CD96: variants seen among roughly 807,000 people sequenced by gnomAD.
The protein encoded by CD96 is T-cell surface protein tactile.
In CD96, 70 loss-of-function variants were observed where a neutral mutation model predicts 71.3. The observed-to-expected ratio is 0.98, with a 90% confidence interval of 0.81 to 1.20. CD96 has a LOEUF of 1.20. Among genes scored for constraint, CD96 ranks in the 50% most tolerant of loss-of-function variants. CD96 has a pLI of 0.00. For synonymous variants in CD96, 248 were observed against 233.0 expected (o/e 1.06, Z -0.59); for missense variants, 742 against 677.5 (o/e 1.10, Z -1.06).
At chr3:111,639,854 T>G (rs1488454626) in intron 12 of CD96, among the ~76,000 whole-genome samples, 1 of 152,180 alleles carries the variant, frequency 6.6e-6, no homozygotes, top group Non-Finnish European at 1.5e-5. Context: ...GCAGACTCAC[T>G]GGGTGGCTAG....
intron 8 of CD96, among the ~76,000 whole-genome samples, chr3:111,623,299 A>G (rs1938596700): frequency 6.6e-6 from 1 of 152,164 alleles, no homozygotes; most frequent in South Asian, 2.1e-4. Context: ...GAGTATAAAG[A>G]TGGAGAAATG....
chr3:111,598,095 A>C, intron 5 of CD96, 25 bp from the exon 6 acceptor site: 1 of 1,017,888 alleles, frequency 9.8e-7, no homozygotes. Flanking sequence ...ATTTGCAAAT[A>C]ATCCTTTTTC....
At chr3:111,577,957 G>A (rs1936293128) in intron 3 of CD96, among the ~76,000 whole-genome samples, 1 of 152,142 alleles carries the variant, frequency 6.6e-6, no homozygotes, top group Non-Finnish European at 1.5e-5. Flanking sequence ...TTTAGAGTTA[G>A]GCCAGTAGAT....
At position 111,545,204 on chromosome 3, in the gene CD96, C is replaced by T; in HGVS notation, c.220C>T (p.Gln74Ter). The T allele has an allele frequency of 6.2e-7, 1 of 1,614,182 alleles. No individual in the cohort carries two copies. The highest frequency in any genetic ancestry group is 8.5e-7 in the Non-Finnish European group (1 of 1,180,028). The change falls in exon 2 of 14, where the codon CAA becomes TAA. Residue 74 changes from glutamine to a stop codon, truncating the protein, a stop_gained. Transcript: ENST00000352690. LOFTEE classifies it high-confidence loss of function. ...AGACCTGATTGCTGTCTATCATCCC[C>T]AATACGGCTTCTACTGTGCCTATGG... is the stretch of plus-strand genomic sequence containing the variant. ...KIDLIAVYHP[Q>*]YGFYCAYGRP...
chr3:111,585,255 C>T (rs2107602242), intron 4 of CD96, 68 bp from the exon 5 acceptor site: 1 of 842,772 alleles, frequency 1.2e-6, no homozygotes. Context: ...CACACACACA[C>T]ATACACACAC....
At chr3:111,656,398 A>G (rs1940230200), downstream of CD96, among the ~76,000 whole-genome samples, 1 of 152,218 alleles carries the variant, frequency 6.6e-6, no homozygotes, top group Non-Finnish European at 1.5e-5. Flanking sequence ...ACACTCATAT[A>G]CTGCTGAAGG....
At chr3:111,552,804 A>T (rs952975823) in intron 2 of CD96, among the ~76,000 whole-genome samples, 3 of 152,192 alleles carry the variant, frequency 2.0e-5, no homozygotes, top group African/African-American at 4.8e-5. Flanking sequence ...AACTGACAAT[A>T]CTGGTACTGG....
Position 111,647,589 on chromosome 3 carries a change from T to G in CD96, c.1524T>G (p.Ile508Met). ...AAGATGGAATGTCCTGGCCAGTGAT[T>G]GTAGCAGCTTTACTCTTTTGCTGCA... ...KPKDGMSWPV[I>M]VAALLFCCMI... The change falls in exon 13 of 14, where the codon ATT (isoleucine) becomes ATG (methionine). Residue 508 changes from isoleucine to methionine, a missense_variant. Physicochemically the swap from Ile to Met is conservative, Grantham distance 10 (BLOSUM62 1). Transcript: ENST00000352690. 6.2e-7 allele frequency: 1 copy of G among 1,611,812 alleles called. No individual in the cohort carries two copies. Among genetic ancestry groups the G allele is most frequent in the South Asian group, 1.1e-5 (1 of 91,056 alleles).
intron 2 of CD96, among the ~76,000 whole-genome samples, chr3:111,561,317 G>GT (rs1461187230): frequency 8.0e-5 from 12 of 149,774 alleles, no homozygotes; most frequent in South Asian, 4.3e-4. Flanking sequence ...TTTCTGTTCT[G>GT]TTTTTTCCCC....
chr3:111,648,083 T>C (rs558341683), intron 13 of CD96, among the ~76,000 whole-genome samples: 8 of 143,498 alleles, frequency 5.6e-5, no homozygotes, highest in Admixed American at 5.4e-4. Context: ...TTTAAGAGAT[T>C]TCCAGCTGCT....
chr3:111,580,358 C>T (rs1352953742), intron 4 of CD96, among the ~76,000 whole-genome samples: 2 of 152,164 alleles, frequency 1.3e-5, no homozygotes, highest in African/African-American at 2.4e-5. Context: ...GAAGGGAAGC[C>T]TCTGCCTTTG....
chr3:111,612,042 C>A (rs1937970007), intron 8 of CD96, among the ~76,000 whole-genome samples: 1 of 152,192 alleles, frequency 6.6e-6, no homozygotes. Context: ...AATGTCACTA[C>A]TGTGTTTAAA....
At chr3:111,554,768 G>T (rs1934903399) in intron 2 of CD96, among the ~76,000 whole-genome samples, 1 of 151,914 alleles carries the variant, frequency 6.6e-6, no homozygotes, top group African/African-American at 2.4e-5. Flanking sequence ...CATTTATTGT[G>T]CACTTTATTT....
At chr3:111,616,944 C>G (rs1938271203) in intron 8 of CD96, among the ~76,000 whole-genome samples, 1 of 152,200 alleles carries the variant, frequency 6.6e-6, no homozygotes, top group Admixed American at 6.5e-5. Flanking sequence ...GAAGGGCCTG[C>G]TTCCACCCCC....
At chr3:111,637,170 A>C in intron 10 of CD96, 26 bp from the exon 11 acceptor site, 1 of 1,269,210 alleles carries the variant, frequency 7.9e-7, no homozygotes, top group Non-Finnish European at 1.2e-6. Flanking sequence ...ATATAGGTTA[A>C]CTCTTCTGAT....
At chr3:111,563,040 G>A (rs1428047043) in intron 2 of CD96, among the ~76,000 whole-genome samples, 1 of 152,182 alleles carries the variant, frequency 6.6e-6, no homozygotes, top group Non-Finnish European at 1.5e-5. Flanking sequence ...TCCTCTGGAG[G>A]GGAGAAATGC....
rs1937100801 is a variant in CD96 at position 111,593,624 on chromosome 3, C to T, written c.808-4496C>T. On this transcript the variant is annotated intron_variant, in intron 5 of 13. Transcript: ENST00000352690. ...TGCCTCCTTCTCAGCCCTCACCTTC[C>T]ACTTCATCTCCAGGATGGCCCTTTC... 2.5e-6 allele frequency: 4 copies of T among 1,593,242 alleles called. No individual in the cohort carries two copies. The East Asian group carries it at 6.7e-5, about 27-fold the overall frequency.
rs570760949 is a variant in CD96, at chr3:111,590,782, G to C, written c.807+5404G>C. ...AAGCCAAAGAGCCCCTCAACTCACA[G>C]CTAATGATGTAGCATAAGAAGGCAC... On this transcript the variant is annotated intron_variant, in intron 5 of 13. Transcript: ENST00000352690. Among the ~76,000 whole-genome samples, 6 of 152,266 alleles carry C rather than the reference G, an allele frequency of 3.9e-5. No individual in the cohort carries two copies. In the East Asian group the frequency reaches 7.7e-4, roughly 20 times the overall value.
At chr3:111,656,033 G>A (rs1373147051), downstream of CD96, among the ~76,000 whole-genome samples, 1 of 151,886 alleles carries the variant, frequency 6.6e-6, no homozygotes, top group Non-Finnish European at 1.5e-5. Flanking sequence ...ATTCATGAGA[G>A]AGAAAGCAAA....
Sources: gnomAD v4.1 joint callset for allele counts (sites outside exome capture counted in the v4.1 genomes callset) on GRCh38, gnomAD v4.1.1 for gene constraint, MANE v1.5 for transcripts, NCBI Gene and HGNC (gene_info 2026-07-23, HGNC 2026-07-21) for gene names.